ZNRF1: variants seen among roughly 807,000 people sequenced by gnomAD.
ZNRF1 encodes E3 ubiquitin-protein ligase ZNRF1.
Under a neutral mutation model 18.4 loss-of-function variants are expected in ZNRF1, and 3 were observed. The ratio of observed to expected loss-of-function variants is 0.16; its 90% CI spans 0.07 to 0.42. The LOEUF is 0.42. Ranked by LOEUF, ZNRF1 falls within the 10% of genes least tolerant of loss-of-function variation. The pLI, the probability that ZNRF1 is intolerant of heterozygous loss-of-function variation, is 0.99. For missense variants in ZNRF1, 310 were observed against 329.8 expected, an observed-to-expected ratio of 0.94 and a Z score of 0.47; for synonymous variants, 157 against 144.2, an observed-to-expected ratio of 1.09 and a Z score of -0.64.
intron 1 of ZNRF1, among the ~76,000 whole-genome samples, chr16:75,027,835 C>G (rs2035247078): frequency 6.6e-6 from 1 of 152,176 alleles, no homozygotes; most frequent in African/African-American, 2.4e-5. Context: ...GCCCCTAATG[C>G]TGTCTGGGAA....
intron 2 of ZNRF1, among the ~76,000 whole-genome samples, chr16:75,094,930 A>G (rs1285124400): frequency 1.3e-5 from 2 of 152,146 alleles, no homozygotes; most frequent in Non-Finnish European, 2.9e-5. Flanking sequence ...TTCTGAGAGC[A>G]TCTGAGGACT....
intron 1 of ZNRF1, among the ~76,000 whole-genome samples, chr16:75,023,715 A>C (rs1289458900): frequency 6.6e-6 from 1 of 151,904 alleles, no homozygotes; most frequent in Admixed American, 6.6e-5. Context: ...ACAAAAAAAA[A>C]GGTCACACCA....
At chr16:75,065,410 G>GT (rs1248523240) in intron 1 of ZNRF1, among the ~76,000 whole-genome samples, 1 of 152,204 alleles carries the variant, frequency 6.6e-6, no homozygotes, top group Non-Finnish European at 1.5e-5. Context: ...CGCTCTGGCC[G>GT]TTTGTTACTT....
intron 1 of ZNRF1, among the ~76,000 whole-genome samples, chr16:75,060,568 T>C (rs2035730387): frequency 7.8e-6 from 1 of 127,866 alleles, no homozygotes; most frequent in African/African-American, 3.0e-5. Context: ...AACCTCCGCC[T>C]CCCAGGTTCA....
chr16:75,022,258 A>C, intron 1 of ZNRF1, among the ~76,000 whole-genome samples: 1 of 151,328 alleles, frequency 6.6e-6, no homozygotes, highest in East Asian at 1.9e-4. Flanking sequence ...CTGTCTCAAA[A>C]ATTTTTTTAA....
intron 1 of ZNRF1, among the ~76,000 whole-genome samples, chr16:75,059,251 T>C (rs2035712167): frequency 7.3e-6 from 1 of 137,018 alleles, no homozygotes. Flanking sequence ...TTTTCTTTTT[T>C]TTTTTTTTTT....
chr16:75,025,011 T>C (rs2035201711), intron 1 of ZNRF1, among the ~76,000 whole-genome samples: 1 of 152,214 alleles, frequency 6.6e-6, no homozygotes. Flanking sequence ...AATGTCCTCT[T>C]CATTGTTTCA....
intron 2 of ZNRF1, among the ~76,000 whole-genome samples, chr16:75,098,266 C>T (rs1230713652): frequency 1.3e-5 from 2 of 152,194 alleles, no homozygotes. Context: ...GGCCCTAACA[C>T]AAGTGGGGAA....
intron 3 of ZNRF1, 87 bp from the exon 4 acceptor site, chr16:75,106,395 C>A: frequency 1.4e-6 from 2 of 1,411,214 alleles, no homozygotes; most frequent in Non-Finnish European, 2.0e-6. Flanking sequence ...GAAGCTCCTG[C>A]TCAGGAATCT....
chr16:75,010,711 G>GTTGTTTTTT (rs1555509222), intron 1 of ZNRF1, among the ~76,000 whole-genome samples: 1 of 74,324 alleles, frequency 1.3e-5, no homozygotes, highest in African/African-American at 3.9e-5. Flanking sequence ...GTTTTTTTTT[G>GTTGTTTTTT]TTTTTTTGTT....
chr16:75,051,592 A>C (rs1415055406), intron 1 of ZNRF1, among the ~76,000 whole-genome samples: 5 of 150,052 alleles, frequency 3.3e-5, no homozygotes, highest in Non-Finnish European at 5.9e-5. Context: ...ATCTCGGCTC[A>C]CTGCAATCTC....
intron 1 of ZNRF1, among the ~76,000 whole-genome samples, chr16:75,023,989 G>T (rs1051531583): frequency 1.3e-5 from 2 of 151,094 alleles, no homozygotes; most frequent in African/African-American, 4.9e-5. Flanking sequence ...TCCTGACTCA[G>T]CCTCCCCAGT....
At chr16:75,078,778 T>C (rs1306718211) in intron 1 of ZNRF1, among the ~76,000 whole-genome samples, 1 of 152,238 alleles carries the variant, frequency 6.6e-6, no homozygotes, top group Admixed American at 6.5e-5. Context: ...AAACATTTGT[T>C]TGTGAGGACC....
At chr16:75,104,714 C>T in intron 2 of ZNRF1, 70 bp from the exon 3 acceptor site, 1 of 1,378,680 alleles carries the variant, frequency 7.3e-7, no homozygotes, top group Non-Finnish European at 1.0e-6. Context: ...GTTCCTAGGC[C>T]CTTGCTTGCC....
At chr16:75,027,498 A>C (rs889415451) in intron 1 of ZNRF1, among the ~76,000 whole-genome samples, 1 of 152,024 alleles carries the variant, frequency 6.6e-6, no homozygotes, top group African/African-American at 2.4e-5. Flanking sequence ...TGCTGTTTAT[A>C]ATATCAGTCC....
At chr16:75,092,749 A>G (rs1432776819) in intron 1 of ZNRF1, among the ~76,000 whole-genome samples, 1 of 152,216 alleles carries the variant, frequency 6.6e-6, no homozygotes, top group African/African-American at 2.4e-5. Flanking sequence ...GCCTTAAGCC[A>G]CAAAGGAGGC....
At chr16:75,056,088 A>T (rs553631365) in intron 1 of ZNRF1, among the ~76,000 whole-genome samples, 1 of 152,196 alleles carries the variant, frequency 6.6e-6, no homozygotes. Flanking sequence ...TTAGCCATTG[A>T]TAGCTGATGG....
At chr16:75,095,418 C>G (rs73615822) in intron 2 of ZNRF1, among the ~76,000 whole-genome samples, 3,554 of 152,082 alleles carry the variant, frequency 0.023, 155 homozygotes, top group African/African-American at 0.082. Flanking sequence ...TGTCCCTGTT[C>G]GCCGTCTCCG....
At chr16:75,003,137 T>A (rs2034874662) in intron 1 of ZNRF1, among the ~76,000 whole-genome samples, 1 of 152,168 alleles carries the variant, frequency 6.6e-6, no homozygotes, top group Non-Finnish European at 1.5e-5. Flanking sequence ...GCTAATTTTG[T>A]TTTTTGTAGA....
Sources: allele counts gnomAD v4.1 joint callset (sites outside exome capture counted in the v4.1 genomes callset), GRCh38; gene constraint gnomAD v4.1.1; transcripts MANE v1.5; gene names NCBI Gene and HGNC (gene_info 2026-07-23, HGNC 2026-07-21).